Variants in TRPM3 observed in about 807,000 individuals in gnomAD.
TRPM3 encodes the protein long transient receptor potential channel 3.
A neutral mutation model predicts 181.2 loss-of-function variants in TRPM3; 77 were observed. The observed-to-expected ratio is 0.42, with a 90% CI of 0.35 to 0.51. The LOEUF is 0.51. Ranked by LOEUF, TRPM3 falls within the 20% of genes least tolerant of loss-of-function variation. The pLI is 0.01. For missense variants in TRPM3, 1,759 were observed against 2,196.7 expected (o/e 0.80, Z 3.98); for synonymous variants, 745 against 796.4 (o/e 0.94, Z 1.09).
chr9:70,920,758 G>T (rs1046278351), intron 1 of TRPM3, among the ~76,000 whole-genome samples: 1 of 151,952 alleles, frequency 6.6e-6, no homozygotes, highest in East Asian at 1.9e-4. Context: ...TACTTTAAAT[G>T]GAATCAATAT....
intron 7 of TRPM3, among the ~76,000 whole-genome samples, chr9:70,762,514 A>G (rs2078322950): frequency 6.6e-6 from 1 of 152,184 alleles, no homozygotes; most frequent in African/African-American, 2.4e-5. Context: ...AATGGCAGGG[A>G]TGGAAAACTC....
chr9:70,634,968 C>A (rs1347028722), intron 12 of TRPM3, among the ~76,000 whole-genome samples: 1 of 152,074 alleles, frequency 6.6e-6, no homozygotes, highest in Non-Finnish European at 1.5e-5. Context: ...TACCCAAAAG[C>A]ATTATGTCCA....
In TRPM3 at chr9:71,428,255, CT is replaced by C. The variant is rs567636846; in HGVS notation, c.183+18397del. 7.8e-3 allele frequency among the ~76,000 whole-genome samples: 996 copies of C among 128,328 alleles called. 4 individuals carry two copies. The highest frequency in any genetic ancestry group is 0.019 in the African/African-American group (674 of 34,914). 84.2% of individuals were successfully genotyped at this position (128,328 alleles called of 152,430 possible). A position where few individuals can be genotyped will look rare whatever the true frequency, so the allele number is the denominator to read the frequency against. On this transcript the variant is annotated intron_variant, in intron 1 of 24. Coordinates refer to the TRPM3 transcript ENST00000357533. ...TACAGGCGCCCGCCACCATGCCCGG[CT>C]TTTTTTTTTTTTTTTTTTTAGTTGA...
intron 1 of TRPM3, among the ~76,000 whole-genome samples, chr9:71,000,998 C>T (rs1234900153): frequency 2.6e-5 from 4 of 152,186 alleles, no homozygotes; most frequent in Admixed American, 2.6e-4. Context: ...CAGAAGATTA[C>T]ATGCAGGATA....
chr9:70,843,531 C>T (rs1221715576), intron 4 of TRPM3, among the ~76,000 whole-genome samples: 2 of 152,196 alleles, frequency 1.3e-5, no homozygotes, highest in African/African-American at 4.8e-5. Flanking sequence ...GTTAAATCTA[C>T]ACCACAGTCT....
intron 3 of TRPM3, among the ~76,000 whole-genome samples, chr9:70,848,219 T>C (rs1288291376): frequency 6.6e-6 from 1 of 151,948 alleles, no homozygotes; most frequent in Non-Finnish European, 1.5e-5. Context: ...CTTCTAGTAA[T>C]TAAAATGTAA....
chr9:70,909,853 A>T lies in TRPM3; in HGVS notation c.178-45342T>A, dbSNP rs74629446. ...TTTTGCACCGACCCAAACTATGATGATATACCAGTGCATTCCCACCCTAAT... is the reference window on the plus strand; with the variant it reads ...TTTTGCACCGACCCAAACTATGATGTTATACCAGTGCATTCCCACCCTAAT... On this transcript the variant is annotated intron_variant, in intron 1 of 25. Transcript: ENST00000677713. 7.2e-3 allele frequency among the ~76,000 whole-genome samples: 1,100 copies of T among 152,314 alleles called. 7 individuals carry two copies. The highest frequency in any genetic ancestry group is 0.044 in the Middle Eastern group (13 of 294).
At chr9:71,302,195 GTAGT>G (rs1220318039) in intron 1 of TRPM3, among the ~76,000 whole-genome samples, 1 of 151,972 alleles carries the variant, frequency 6.6e-6, no homozygotes, top group Non-Finnish European at 1.5e-5. Context: ...AAAATCAACT[GTAGT>G]TATTTTAATC....
upstream of TRPM3, among the ~76,000 whole-genome samples, chr9:71,125,184 T>G (rs1483541596): frequency 2.0e-5 from 3 of 152,162 alleles, no homozygotes; most frequent in African/African-American, 7.2e-5. Context: ...TTGTTGTGCT[T>G]TGAATTTTCT....
chr9:70,793,758 A>G (rs893544673), intron 6 of TRPM3: 3 of 425,404 alleles, frequency 7.1e-6, no homozygotes, highest in Admixed American at 2.5e-5. Flanking sequence ...CAATTTTTCA[A>G]CTTTGCAGTG....
At chr9:71,392,956 G>T (rs2093097498) in intron 1 of TRPM3, among the ~76,000 whole-genome samples, 1 of 152,100 alleles carries the variant, frequency 6.6e-6, no homozygotes, top group Non-Finnish European at 1.5e-5. Flanking sequence ...GAACAATGTA[G>T]AAAGTAAACA....
chr9:71,149,616 G>T (rs1467986474), intron 1 of TRPM3, among the ~76,000 whole-genome samples: 1 of 152,038 alleles, frequency 6.6e-6, no homozygotes, highest in Non-Finnish European at 1.5e-5. Flanking sequence ...AATCCACTTG[G>T]AAATGGTGAA....
chr9:71,275,771 C>T (rs953994938), intron 1 of TRPM3, among the ~76,000 whole-genome samples: 4 of 151,432 alleles, frequency 2.6e-5, no homozygotes, highest in Admixed American at 6.6e-5. Flanking sequence ...TAGAGAGCCC[C>T]AAAATAGAAT....
chr9:70,830,869 C>T (rs1397544643), intron 5 of TRPM3, among the ~76,000 whole-genome samples: 1 of 152,168 alleles, frequency 6.6e-6, no homozygotes, highest in Non-Finnish European at 1.5e-5. Context: ...ATGTTAATTC[C>T]TTCTCCGGCT....
At chr9:71,368,773 T>C (rs899804846) in intron 1 of TRPM3, among the ~76,000 whole-genome samples, 2 of 152,188 alleles carry the variant, frequency 1.3e-5, no homozygotes, top group Non-Finnish European at 2.9e-5. Context: ...CAAAACGAAA[T>C]CTTTTTGATT....
At chr9:70,542,118 C>T (rs1263702254) in intron 25 of TRPM3, among the ~76,000 whole-genome samples, 1 of 152,074 alleles carries the variant, frequency 6.6e-6, no homozygotes, top group Admixed American at 6.6e-5. Context: ...GAGACCCTAT[C>T]TCAAACAAAA....
chr9:70,867,297 T>G (rs1564641558), intron 1 of TRPM3, among the ~76,000 whole-genome samples: 1 of 151,990 alleles, frequency 6.6e-6, no homozygotes, highest in Non-Finnish European at 1.5e-5. Flanking sequence ...CAAAGACAAA[T>G]GGATGAGACT....
chr9:71,006,866 G>A (rs1281886941), intron 1 of TRPM3, among the ~76,000 whole-genome samples: 7 of 41,904 alleles, frequency 1.7e-4, no homozygotes, highest in East Asian at 1.1e-3. Context: ...GCGAGACTCC[G>A]TCTCAAAAAA....
intron 8 of TRPM3, among the ~76,000 whole-genome samples, chr9:70,691,973 T>C (rs985459928): frequency 2.6e-5 from 4 of 152,154 alleles, no homozygotes; most frequent in Non-Finnish European, 4.4e-5. Context: ...AGACAGAAAC[T>C]AAAATCCATG....
Sources: gnomAD v4.1 joint callset for allele counts (sites outside exome capture counted in the v4.1 genomes callset) on GRCh38, gnomAD v4.1.1 for gene constraint, MANE v1.5 for transcripts, NCBI Gene and HGNC (gene_info 2026-07-23, HGNC 2026-07-21) for gene names.